Variants in RNFT2 observed in about 807,000 individuals in gnomAD.
The protein encoded by RNFT2 is ring finger protein, transmembrane 2, also known as E3 ubiquitin-protein ligase RNFT2.
In RNFT2, 36 loss-of-function variants were observed where a neutral mutation model predicts 53.0. The ratio of observed to expected loss-of-function variants is 0.68; its 90% confidence interval spans 0.52 to 0.90. The LOEUF (loss-of-function observed/expected upper bound fraction) is 0.90, where lower values mean the gene tolerates loss of function less well. Among genes scored for constraint, RNFT2 ranks in the 40% least tolerant of loss-of-function variants. The pLI, the probability that RNFT2 is intolerant of heterozygous loss-of-function variation, is 0.00. For synonymous variants in RNFT2, 260 were observed against 253.2 expected (o/e 1.03, Z -0.26); for missense variants, 514 against 585.6 (o/e 0.88, Z 1.26).
At chr12:116,771,189 G>A (rs959491460) in intron 6 of RNFT2, among the ~76,000 whole-genome samples, 5 of 151,986 alleles carry the variant, frequency 3.3e-5, no homozygotes, top group East Asian at 1.9e-4. Flanking sequence ...GTCCAGGTGC[G>A]TTGGCTCACG....
chr12:116,761,037 T>C (rs1458345830), intron 5 of RNFT2, among the ~76,000 whole-genome samples: 1 of 152,132 alleles, frequency 6.6e-6, no homozygotes, highest in Non-Finnish European at 1.5e-5. Context: ...CACCCCTGGG[T>C]AGATCCCTGA....
At chr12:116,833,713 C>G in intron 7 of RNFT2, 79 bp from the exon 8 acceptor site, 1 of 1,461,596 alleles carries the variant, frequency 6.8e-7, no homozygotes, top group Non-Finnish European at 9.5e-7. Flanking sequence ...GTCATCACTG[C>G]CCGGGGCGGG....
intron 10 of RNFT2, 41 bp downstream of exon 10, chr12:116,836,323 G>A (rs566757984): frequency 9.3e-6 from 14 of 1,497,984 alleles, no homozygotes; most frequent in Non-Finnish European, 1.3e-5. Context: ...ACCAAGGCTG[G>A]GGGAGAGTAG....
rs139242977 is a variant in RNFT2 at position 116,787,421 on chromosome 12, G to A, written c.882+8073G>A. On this transcript the variant is annotated intron_variant, in intron 7 of 10. Transcript: ENST00000257575. ...TCTTTAGATACTGTAAAGGTAAAAA[G>A]ACTTGACAGGGCACAGTGGCTCACA... Among the ~76,000 whole-genome samples, 303 of 152,342 alleles carry A rather than the reference G, an allele frequency of 2.0e-3. 2 individuals are homozygous for A. The Middle Eastern group carries it at 0.027, about 14-fold the overall frequency.
intron 10 of RNFT2, among the ~76,000 whole-genome samples, chr12:116,840,985 G>A (rs546304546): frequency 6.6e-5 from 10 of 151,878 alleles, no homozygotes; most frequent in East Asian, 3.9e-4. Context: ...GTCATTTTTC[G>A]TAATTAAATG....
intron 7 of RNFT2, among the ~76,000 whole-genome samples, chr12:116,827,217 C>T (rs1876384751): frequency 8.1e-6 from 1 of 123,524 alleles, no homozygotes; most frequent in African/African-American, 4.0e-5. Context: ...GAGACTCCAT[C>T]TCAAAAAAAA....
At chr12:116,800,526 G>A (rs140807046) in intron 7 of RNFT2, among the ~76,000 whole-genome samples, 5,873 of 151,940 alleles carry the variant, frequency 0.039, 253 homozygotes, top group East Asian at 0.14. Flanking sequence ...CCAGCTACTC[G>A]GGTGGCTGAG....
chr12:116,770,005 G>T (rs1873104865), intron 6 of RNFT2, among the ~76,000 whole-genome samples: 2 of 152,188 alleles, frequency 1.3e-5, no homozygotes, highest in African/African-American at 4.8e-5. Flanking sequence ...ACTGCATCCA[G>T]TCTGGGTGAT....
intron 10 of RNFT2, among the ~76,000 whole-genome samples, chr12:116,836,837 G>A (rs1211936710): frequency 3.3e-5 from 5 of 152,070 alleles, no homozygotes; most frequent in African/African-American, 1.2e-4. Flanking sequence ...AGCTGAGGCA[G>A]GAGAATTGCT....
At chr12:116,779,530 C>T (rs1223108615) in intron 7 of RNFT2, among the ~76,000 whole-genome samples, 182 bp downstream of exon 7, 1 of 152,204 alleles carries the variant, frequency 6.6e-6, no homozygotes, top group Non-Finnish European at 1.5e-5. Flanking sequence ...CTGAGCATGG[C>T]TCTTTGTCAT....
At chr12:116,843,385 AG>A (rs756786611) in intron 10 of RNFT2, among the ~76,000 whole-genome samples, 1 of 148,020 alleles carries the variant, frequency 6.8e-6, no homozygotes, top group Non-Finnish European at 1.5e-5. Flanking sequence ...CGAGCTACTC[AG>A]GAGGCTGAGG....
chr12:116,785,286 GTTGT>G (rs1303035396), intron 7 of RNFT2, among the ~76,000 whole-genome samples: 16 of 102,860 alleles, frequency 1.6e-4, no homozygotes, highest in Non-Finnish European at 2.3e-4. Context: ...GCGGGGGGGG[GTTGT>G]TTGTTTGTTT....
At chr12:116,833,215 G>A (rs1200023522) in intron 7 of RNFT2, among the ~76,000 whole-genome samples, 2 of 152,070 alleles carry the variant, frequency 1.3e-5, no homozygotes, top group Admixed American at 6.6e-5. Context: ...CACCACACCC[G>A]GCCCCTGTTC....
intron 5 of RNFT2, among the ~76,000 whole-genome samples, chr12:116,756,309 T>TTTTTTG: frequency 6.6e-6 from 1 of 152,044 alleles, no homozygotes; most frequent in East Asian, 1.9e-4. Flanking sequence ...TCCTAAGGTT[T>TTTTTTG]TTTTTTGTTT....
intron 3 of RNFT2, 54 bp from the exon 4 acceptor site, chr12:116,749,787 A>G (rs1289286701): frequency 2.0e-6 from 3 of 1,466,416 alleles, no homozygotes; most frequent in Admixed American, 2.0e-5. Context: ...CCTCTGGAGT[A>G]AGGTCTTTTC....
intron 7 of RNFT2, among the ~76,000 whole-genome samples, chr12:116,832,543 C>T (rs1407894303): frequency 2.0e-5 from 3 of 152,054 alleles, no homozygotes; most frequent in Non-Finnish European, 4.4e-5. Flanking sequence ...TACATGTGGA[C>T]ATATGTTTTC....
intron 7 of RNFT2, among the ~76,000 whole-genome samples, chr12:116,830,582 C>T (rs1876590304): frequency 6.6e-6 from 1 of 152,252 alleles, no homozygotes; most frequent in South Asian, 2.1e-4. Flanking sequence ...GCCATTGCAC[C>T]TGGCCTATTG....
Position 116,852,420 on chromosome 12 carries a change from C to T in RNFT2, c.*2972C>T. The T allele has an allele frequency of 7.3e-7, 1 of 1,371,606 alleles. No individual in the cohort carries two copies. Among genetic ancestry groups the T allele is most frequent in the South Asian group, 1.6e-5 (1 of 62,046 alleles). 85.0% of individuals were successfully genotyped at this position (1,371,606 alleles called of 1,614,324 possible). On this transcript the variant is annotated 3_prime_UTR_variant, in exon 11 of 11. Coordinates refer to ENST00000257575, the MANE Select transcript of RNFT2 (RefSeq NM_001382266.1). The stretch of plus-strand genomic sequence containing the variant: ...TCCCTGGCTCTCTCCTGGTACCCAG[C>T]AAGACGTCTGTTCCAGGGCAGTGTA...
At chr12:116,776,693 T>C (rs1399476643) in intron 6 of RNFT2, among the ~76,000 whole-genome samples, 2 of 152,150 alleles carry the variant, frequency 1.3e-5, no homozygotes, top group Admixed American at 6.5e-5. Context: ...CCAAAGCATA[T>C]AGAAAGCATC....
Sources: allele counts gnomAD v4.1 joint callset (sites outside exome capture counted in the v4.1 genomes callset), GRCh38; gene constraint gnomAD v4.1.1; transcripts MANE v1.5; gene names NCBI Gene and HGNC (gene_info 2026-07-23, HGNC 2026-07-21).